Variants in IQGAP2 observed in about 807,000 individuals in gnomAD.
IQGAP2 encodes the protein ras GTPase-activating-like protein IQGAP2.
IQGAP2 carries 173 observed loss-of-function variants against 201.3 expected under a neutral mutation model. The ratio of observed to expected loss-of-function variants is 0.86; its 90% CI spans 0.76 to 0.98. The LOEUF is 0.98. IQGAP2 is among the 50% of genes least tolerant of loss of function. The probability of loss-of-function intolerance (pLI) is 0.00; values close to 1 mark genes in which losing one functional copy is unlikely to be tolerated. For missense variants in IQGAP2, 1,687 were observed against 1,864.8 expected (o/e 0.90, Z 1.76); for synonymous variants, 675 against 673.9 (o/e 1.00, Z -0.03).
chr5:76,504,696 C>G (rs532659556), intron 2 of IQGAP2, among the ~76,000 whole-genome samples: 1 of 152,160 alleles, frequency 6.6e-6, no homozygotes, highest in East Asian at 1.9e-4. Flanking sequence ...AGCCTTCCCC[C>G]GACAACAAAA....
At chr5:76,519,945 G>T (rs1228317046) in intron 2 of IQGAP2, among the ~76,000 whole-genome samples, 1 of 152,032 alleles carries the variant, frequency 6.6e-6, no homozygotes, top group East Asian at 1.9e-4. Context: ...TTCTTTGTTG[G>T]ATATATAAAA....
At chr5:76,441,489 A>G in intron 1 of IQGAP2, 1 of 985,356 alleles carries the variant, frequency 1.0e-6, no homozygotes, top group Non-Finnish European at 1.2e-6. Context: ...AGAAGGAATT[A>G]CGAGCCTGGA....
intron 4 of IQGAP2, among the ~76,000 whole-genome samples, chr5:76,573,256 T>C (rs1745237815): frequency 6.6e-6 from 1 of 152,264 alleles, no homozygotes; most frequent in African/African-American, 2.4e-5. Context: ...CAAGTGGTGT[T>C]ATAGAGCAGA....
At chr5:76,685,301 T>A (rs998427332) in intron 30 of IQGAP2, among the ~76,000 whole-genome samples, 4 of 152,214 alleles carry the variant, frequency 2.6e-5, no homozygotes, top group African/African-American at 9.6e-5. Context: ...ACAGATTGTG[T>A]GGTTTTGCCA....
intron 5 of IQGAP2, among the ~76,000 whole-genome samples, chr5:76,586,469 G>A (rs1231834441): frequency 2.0e-5 from 3 of 152,008 alleles, no homozygotes; most frequent in Non-Finnish European, 4.4e-5. Context: ...TAGGCATTTC[G>A]TGGAAGACAT....
At chr5:76,617,903 G>A in intron 13 of IQGAP2, 1 of 1,614,102 alleles carries the variant, frequency 6.2e-7, no homozygotes, top group Non-Finnish European at 8.5e-7. Context: ...AGAATCCAAA[G>A]AATGCCAAGG....
At chr5:76,435,924 GT>G (rs1752623315) in intron 1 of IQGAP2, among the ~76,000 whole-genome samples, 1 of 150,198 alleles carries the variant, frequency 6.7e-6, no homozygotes, top group Non-Finnish European at 1.5e-5. Context: ...ATATTCTTGG[GT>G]TTGGGTTTTT....
chr5:76,600,468 G>A (rs1323322815), intron 10 of IQGAP2, among the ~76,000 whole-genome samples: 1 of 152,178 alleles, frequency 6.6e-6, no homozygotes, highest in African/African-American at 2.4e-5. Context: ...CTCAGTCAGT[G>A]ACAATGTTAT....
intron 3 of IQGAP2, among the ~76,000 whole-genome samples, chr5:76,566,610 C>T (rs539726844): frequency 1.2e-4 from 18 of 152,074 alleles, no homozygotes; most frequent in South Asian, 4.2e-4. Context: ...GTGCAGTTTG[C>T]GCTTCAGAAA....
intron 28 of IQGAP2, among the ~76,000 whole-genome samples, chr5:76,678,498 A>G (rs2150503108): frequency 6.6e-6 from 1 of 152,248 alleles, no homozygotes; most frequent in Non-Finnish European, 1.5e-5. Context: ...TTATTTCATG[A>G]AAAAATCTTG....
At chr5:76,607,211 A>T (rs867608977) in intron 12 of IQGAP2, 1 of 152,204 alleles carries the variant, frequency 6.6e-6, no homozygotes, top group East Asian at 1.9e-4. Flanking sequence ...GCTGTATTTA[A>T]CTTAGGAATA....
intron 11 of IQGAP2, among the ~76,000 whole-genome samples, chr5:76,604,187 T>G (rs948718000): frequency 1.3e-5 from 2 of 152,064 alleles, no homozygotes; most frequent in Non-Finnish European, 2.9e-5. Context: ...TGTGACCACA[T>G]GTTCTCATTG....
intron 24 of IQGAP2, among the ~76,000 whole-genome samples, chr5:76,672,192 A>G (rs1744390957): frequency 1.3e-5 from 2 of 152,244 alleles, no homozygotes; most frequent in Non-Finnish European, 1.5e-5. Flanking sequence ...CCCCAATGCC[A>G]CAACTTCCAT....
chr5:76,489,631 CTT>C (rs1453999350), intron 2 of IQGAP2, among the ~76,000 whole-genome samples: 2 of 151,984 alleles, frequency 1.3e-5, no homozygotes, highest in Non-Finnish European at 2.9e-5. Flanking sequence ...CAGGCTAACT[CTT>C]TTGGATTTTT....
intron 2 of IQGAP2, among the ~76,000 whole-genome samples, chr5:76,504,367 G>A (rs1249030698): frequency 6.6e-6 from 1 of 152,122 alleles, no homozygotes; most frequent in Non-Finnish European, 1.5e-5. Flanking sequence ...TTATCTACTT[G>A]TAAGGTTTTT....
chr5:76,485,141 A>G (rs1443066077), intron 2 of IQGAP2, among the ~76,000 whole-genome samples: 1 of 152,002 alleles, frequency 6.6e-6, no homozygotes, highest in African/African-American at 2.4e-5. Context: ...TCATTTTCAT[A>G]CCTGCTTTCC....
At chr5:76,580,428 G>A (rs1057502162) in intron 5 of IQGAP2, among the ~76,000 whole-genome samples, 9 of 152,040 alleles carry the variant, frequency 5.9e-5, no homozygotes, top group Admixed American at 2.0e-4. Flanking sequence ...GCGAGACTCC[G>A]TCTCAAAGAA....
chr5:76,658,677 G>T lies in IQGAP2; in HGVS notation c.2529+10G>T. On this transcript the variant is annotated intron_variant, in intron 21 of 35. Coordinates refer to ENST00000274364, the MANE Select transcript of IQGAP2 (RefSeq NM_006633.5). ...CAGGATCACACTAGAGGTCAGTGGG[G>T]TTTTTGGGACTGTCAGCTCCCAGAA... 1 of 1,611,276 alleles carries T rather than the reference G, an allele frequency of 6.2e-7. No individual in the cohort carries two copies. Among genetic ancestry groups the T allele is most frequent in the Non-Finnish European group, 8.5e-7 (1 of 1,178,020 alleles).
At chr5:76,452,396 C>G (rs9763690) in intron 1 of IQGAP2, among the ~76,000 whole-genome samples, 41,590 of 151,894 alleles carry the variant, frequency 0.27, 6,523 homozygotes, top group East Asian at 0.54. Flanking sequence ...TACCCTCCCC[C>G]CAGGAAGGGG....
Sources: gnomAD v4.1 joint callset for allele counts (sites outside exome capture counted in the v4.1 genomes callset) on GRCh38, gnomAD v4.1.1 for gene constraint, MANE v1.5 for transcripts, NCBI Gene and HGNC (gene_info 2026-07-23, HGNC 2026-07-21) for gene names.